CEP112: variants seen among roughly 807,000 people sequenced by gnomAD.
The protein encoded by CEP112 is centrosomal protein 112.
A neutral mutation model predicts 153.0 loss-of-function variants in CEP112; 127 were observed. The ratio of observed to expected loss-of-function variants is 0.83; its 90% confidence interval spans 0.72 to 0.96. The LOEUF is 0.96. Ranked by LOEUF, CEP112 falls within the 40% of genes least tolerant of loss-of-function variation. The pLI is 0.00. For missense variants in CEP112, 1,089 were observed against 1,101.2 expected, an observed-to-expected ratio of 0.99 and a Z score of 0.16; for synonymous variants, 358 against 374.4, an observed-to-expected ratio of 0.96 and a Z score of 0.51.
intron 12 of CEP112, among the ~76,000 whole-genome samples, chr17:66,041,684 G>C (rs2065987769): frequency 6.6e-6 from 1 of 152,102 alleles, no homozygotes; most frequent in African/African-American, 2.4e-5. Flanking sequence ...GAAGTCAAAT[G>C]AAAGAGCTCC....
intron 24 of CEP112, among the ~76,000 whole-genome samples, chr17:65,647,079 C>G (rs1238915904): frequency 6.6e-6 from 1 of 151,924 alleles, no homozygotes; most frequent in African/African-American, 2.4e-5. Context: ...AAAAATCCAA[C>G]CAGTGAAGGA....
At chr17:65,769,879 A>G (rs1020836802) in intron 21 of CEP112, among the ~76,000 whole-genome samples, 2 of 152,056 alleles carry the variant, frequency 1.3e-5, no homozygotes, top group African/African-American at 4.8e-5. Context: ...ATGAATGGCA[A>G]CTTCCAAGCA....
rs1389659166 is a variant in CEP112, at chr17:65,672,510, A to G, written c.2697+16619T>C. The stretch of plus-strand genomic sequence containing the variant: ...GAGGAGTCTTCTCTTTATAGATGAT[A>G]TTTACTACATATTAGTACTCTTCAG... On this transcript the variant is annotated intron_variant, in intron 24 of 26. Coordinates refer to ENST00000535342, the MANE Select transcript of CEP112 (RefSeq NM_001199165.4). Among the ~76,000 whole-genome samples the G allele has an allele frequency of 6.6e-5, 10 of 152,224 alleles. No homozygotes were observed. In the South Asian group the frequency reaches 1.4e-3, roughly 22 times the overall value.
chr17:65,914,198 T>C (rs1008789136), intron 19 of CEP112, among the ~76,000 whole-genome samples: 11 of 151,504 alleles, frequency 7.3e-5, no homozygotes, highest in Non-Finnish European at 1.3e-4. Context: ...CATATTTTAA[T>C]TCATTTTACT....
intron 24 of CEP112, among the ~76,000 whole-genome samples, chr17:65,664,828 A>T (rs1201204747): frequency 1.3e-5 from 2 of 152,148 alleles, no homozygotes; most frequent in Non-Finnish European, 2.9e-5. Context: ...AACACTGTGG[A>T]TTGGGTGGCT....
intron 18 of CEP112, among the ~76,000 whole-genome samples, chr17:65,948,444 C>G (rs2061712475): frequency 6.6e-6 from 1 of 152,064 alleles, no homozygotes; most frequent in African/African-American, 2.4e-5. Flanking sequence ...TGCTGGTATA[C>G]AAGATTTAAA....
At chr17:66,181,139 C>G (rs1175625971) in intron 2 of CEP112, among the ~76,000 whole-genome samples, 1 of 152,064 alleles carries the variant, frequency 6.6e-6, no homozygotes, top group Non-Finnish European at 1.5e-5. Context: ...TGAAAGCATT[C>G]CTCTATGTAA....
chr17:65,808,546 G>A (rs1396670294), intron 21 of CEP112, among the ~76,000 whole-genome samples: 2 of 152,106 alleles, frequency 1.3e-5, no homozygotes, highest in Non-Finnish European at 2.9e-5. Context: ...GGAGGGGCCT[G>A]GTAGGAGGTG....
intron 20 of CEP112, among the ~76,000 whole-genome samples, chr17:65,889,276 C>T (rs2059386593): frequency 6.6e-6 from 1 of 152,154 alleles, no homozygotes; most frequent in Non-Finnish European, 1.5e-5. Flanking sequence ...AGCCCACAAC[C>T]ACTTCAGAAT....
chr17:65,805,450 A>G (rs1200057573), intron 21 of CEP112, among the ~76,000 whole-genome samples: 1 of 152,194 alleles, frequency 6.6e-6, no homozygotes, highest in African/African-American at 2.4e-5. Flanking sequence ...CTGGGATAAC[A>G]ATGTGGGGTA....
intron 19 of CEP112, among the ~76,000 whole-genome samples, chr17:65,913,208 G>A (rs777601933): frequency 1.3e-5 from 2 of 152,152 alleles, no homozygotes; most frequent in Non-Finnish European, 2.9e-5. Context: ...GAAATTTTAC[G>A]CTAATGGGGC....
intron 18 of CEP112, among the ~76,000 whole-genome samples, chr17:65,945,788 A>G (rs1487868433): frequency 1.3e-5 from 2 of 152,036 alleles, no homozygotes; most frequent in Non-Finnish European, 2.9e-5. Flanking sequence ...CTGGGATTAC[A>G]GGTGCCTGCC....
intron 20 of CEP112, among the ~76,000 whole-genome samples, chr17:65,871,885 C>T (rs2058680721): frequency 1.3e-5 from 2 of 152,200 alleles, no homozygotes; most frequent in South Asian, 4.1e-4. Context: ...TTAATCCCTG[C>T]ACCTGTCAAA....
At position 66,097,037 on chromosome 17, in the gene CEP112, C is replaced by T. The variant is rs146091961; in HGVS notation, c.643-405G>A. ...GCACACACCTATTTGTTCTTACAGT[C>T]GCAATTTAATCACTGCACTCCCAGA... On this transcript the variant is annotated intron_variant, in intron 6 of 26. Coordinates refer to ENST00000535342, the MANE Select transcript of CEP112 (RefSeq NM_001199165.4). Among the ~76,000 whole-genome samples the T allele has an allele frequency of 6.0e-3, 907 of 152,246 alleles. 4 individuals carry two copies. Among genetic ancestry groups the T allele is most frequent in the Middle Eastern group, 0.01 (3 of 294 alleles).
intron 22 of CEP112, among the ~76,000 whole-genome samples, chr17:65,748,221 C>T (rs976825169): frequency 3.3e-5 from 5 of 152,190 alleles, no homozygotes; most frequent in Non-Finnish European, 5.9e-5. Context: ...GTAAGGTTAT[C>T]ATCCTAACTT....
chr17:65,745,061 A>T (rs1191535764), intron 22 of CEP112, among the ~76,000 whole-genome samples: 1 of 152,232 alleles, frequency 6.6e-6, no homozygotes, highest in Non-Finnish European at 1.5e-5. Flanking sequence ...AGTCCCCCAG[A>T]GGCCAAATGC....
intron 18 of CEP112, among the ~76,000 whole-genome samples, chr17:65,932,728 G>A (rs1038150289): frequency 1.3e-5 from 2 of 152,008 alleles, no homozygotes; most frequent in East Asian, 1.9e-4. Flanking sequence ...TTTAACAACC[G>A]GATCTCATGA....
At chr17:66,119,504 C>T (rs1436913483) in intron 6 of CEP112, among the ~76,000 whole-genome samples, 1 of 152,146 alleles carries the variant, frequency 6.6e-6, no homozygotes, top group African/African-American at 2.4e-5. Flanking sequence ...TGGCTTCTTC[C>T]ATTCAATATA....
intron 20 of CEP112, among the ~76,000 whole-genome samples, chr17:65,873,328 T>C (rs2058725330): frequency 6.6e-6 from 1 of 152,224 alleles, no homozygotes; most frequent in East Asian, 1.9e-4. Context: ...GTTTTGTGAT[T>C]ACATTCTTGA....
Sources: allele counts gnomAD v4.1 joint callset (sites outside exome capture counted in the v4.1 genomes callset), GRCh38; gene constraint gnomAD v4.1.1; transcripts MANE v1.5; gene names NCBI Gene and HGNC (gene_info 2026-07-23, HGNC 2026-07-21).